The following ERG variants were observed in gnomAD, a reference collection of about 807,000 sequenced individuals.
The protein encoded by ERG is ETS transcription factor ERG, also known as transcriptional regulator ERG.
A neutral mutation model predicts 55.3 loss-of-function variants in ERG; 9 were observed. That is an observed-to-expected ratio of 0.16 (90% CI 0.10 to 0.28). The LOEUF is 0.28. Ranked by LOEUF, ERG falls within the 10% of genes least tolerant of loss-of-function variation. The pLI is 1.00. For missense variants in ERG, 434 were observed against 631.6 expected (o/e 0.69, Z 3.35); for synonymous variants, 223 against 237.3 (o/e 0.94, Z 0.55).
At chr21:38,581,329 C>T (rs2060027490) in intron 1 of ERG, among the ~76,000 whole-genome samples, 1 of 152,206 alleles carries the variant, frequency 6.6e-6, no homozygotes, top group Admixed American at 6.5e-5. Flanking sequence ...CTTTATCCTC[C>T]AAGAGCCTTA....
the ERG span, among the ~76,000 whole-genome samples, chr21:38,373,861 G>T: frequency 6.6e-6 from 1 of 151,698 alleles, no homozygotes; most frequent in Admixed American, 6.6e-5. Context: ...CAGCACATGA[G>T]TAAGCTCTTT....
intron 3 of ERG, among the ~76,000 whole-genome samples, chr21:38,408,450 C>T (rs1988876757): frequency 6.6e-6 from 1 of 152,206 alleles, no homozygotes; most frequent in South Asian, 2.1e-4. Flanking sequence ...CCTAGATGTT[C>T]TCACAGAGGA....
chr21:38,378,629 C>A (rs1360163518), downstream of ERG, among the ~76,000 whole-genome samples: 1 of 152,194 alleles, frequency 6.6e-6, no homozygotes, highest in Non-Finnish European at 1.5e-5. Context: ...TCTCATTCCC[C>A]TTGTCTCTCC....
At chr21:38,472,402 C>G (rs191520220) in intron 1 of ERG, among the ~76,000 whole-genome samples, 8 of 152,294 alleles carry the variant, frequency 5.3e-5, no homozygotes, top group Admixed American at 5.2e-4. Context: ...GTCTCATTTG[C>G]TCCTCCATGC....
chr21:38,619,126 A>AT (rs1568953623), intron 1 of ERG, among the ~76,000 whole-genome samples: 1 of 152,114 alleles, frequency 6.6e-6, no homozygotes, highest in East Asian at 1.9e-4. Flanking sequence ...GATGGTGTCA[A>AT]TGACACACTC....
chr21:38,593,867 T>C (rs1277442426), intron 1 of ERG, among the ~76,000 whole-genome samples: 2 of 152,190 alleles, frequency 1.3e-5, no homozygotes, highest in African/African-American at 2.4e-5. Context: ...AGCATCACTT[T>C]GATACTTGTA....
chr21:38,472,618 G>A (rs2059149833), intron 1 of ERG, among the ~76,000 whole-genome samples: 1 of 152,154 alleles, frequency 6.6e-6, no homozygotes, highest in Non-Finnish European at 1.5e-5. Context: ...ACATTGCGCA[G>A]GCCTCCACAG....
At chr21:38,647,948 T>C (rs1270756597) in intron 1 of ERG, among the ~76,000 whole-genome samples, 1 of 152,220 alleles carries the variant, frequency 6.6e-6, no homozygotes, top group Non-Finnish European at 1.5e-5. Flanking sequence ...TATGTTTATT[T>C]AAAACAGCAA....
intron 1 of ERG, among the ~76,000 whole-genome samples, chr21:38,453,602 G>T (rs1204641890): frequency 1.3e-5 from 2 of 152,036 alleles, no homozygotes; most frequent in Non-Finnish European, 2.9e-5. Context: ...CGCTTTTTTG[G>T]CTGGGTGCAG....
chr21:38,661,659 T>G (rs2060557618), exon 1 of ERG: 1 of 152,402 alleles, frequency 6.6e-6, no homozygotes, highest in Non-Finnish European at 1.5e-5. Context: ...CCAGCTTACC[T>G]GAGCGCCGCT....
intron 3 of ERG, among the ~76,000 whole-genome samples, chr21:38,410,568 T>TG (rs1471225749): frequency 6.6e-6 from 1 of 151,766 alleles, no homozygotes. Flanking sequence ...GGAGTGGGAG[T>TG]GGGGGTATAA....
chr21:38,373,974 T>G, the ERG span, among the ~76,000 whole-genome samples: 3 of 152,158 alleles, frequency 2.0e-5, no homozygotes. Flanking sequence ...TGCTTTTACA[T>G]CCCTCATCCT....
At chr21:38,463,053 C>A (rs1276299857) in intron 1 of ERG, among the ~76,000 whole-genome samples, 1 of 152,180 alleles carries the variant, frequency 6.6e-6, no homozygotes, top group African/African-American at 2.4e-5. Flanking sequence ...CCCAGTGTGT[C>A]CATCTTGGTA....
Position 38,392,493 on chromosome 21 carries a change from A to G in ERG, c.746-49T>C, listed in dbSNP as rs200416607. 3.1e-6 allele frequency: 4 copies of G among 1,297,682 alleles called. No individual in the cohort carries two copies. The East Asian group carries it at 8.1e-5, about 26-fold the overall frequency. 80.4% of individuals were successfully genotyped at this position (1,297,682 alleles called of 1,614,324 possible). A position where few individuals can be genotyped will look rare whatever the true frequency, so the allele number is the denominator to read the frequency against. On this transcript the variant is annotated intron_variant, in intron 6 of 9. Transcript: ENST00000288319. ...AAAAGATCAATCATGTAATTTTTAT[A>G]AGAGATGCTTTGGTTTTTTATTTGA...
chr21:38,451,734 C>A (rs1025182017), intron 1 of ERG, among the ~76,000 whole-genome samples: 1 of 152,194 alleles, frequency 6.6e-6, no homozygotes, highest in Non-Finnish European at 1.5e-5. Context: ...TGCTCTCCCA[C>A]CATAAGCCTG....
At chr21:38,577,817 C>A (rs887682898) in intron 1 of ERG, among the ~76,000 whole-genome samples, 2 of 152,200 alleles carry the variant, frequency 1.3e-5, no homozygotes, top group African/African-American at 4.8e-5. Context: ...TCTCTCTGGA[C>A]TAGTTCACTC....
intron 1 of ERG, among the ~76,000 whole-genome samples, chr21:38,592,926 A>G (rs1325644136): frequency 6.6e-6 from 1 of 152,136 alleles, no homozygotes; most frequent in African/African-American, 2.4e-5. Flanking sequence ...ACATTCAATC[A>G]ACCTTTCTCC....
At chr21:38,476,603 T>A (rs921852631) in intron 1 of ERG, among the ~76,000 whole-genome samples, 6 of 152,208 alleles carry the variant, frequency 3.9e-5, no homozygotes, top group African/African-American at 1.4e-4. Flanking sequence ...TCAGCCCTGA[T>A]AACCCATCTG....
intron 9 of ERG, among the ~76,000 whole-genome samples, chr21:38,384,496 G>T (rs989162865): frequency 5.9e-5 from 9 of 152,208 alleles, no homozygotes; most frequent in Non-Finnish European, 1.2e-4. Context: ...CAAAGTTCAG[G>T]CTGCTTCCAT....
Sources: gnomAD v4.1 joint callset for allele counts (sites outside exome capture counted in the v4.1 genomes callset) on GRCh38, gnomAD v4.1.1 for gene constraint, MANE v1.5 for transcripts, NCBI Gene and HGNC (gene_info 2026-07-23, HGNC 2026-07-21) for gene names.